The following PPME1 variants were observed in gnomAD, a reference collection of about 807,000 sequenced individuals.
PPME1 encodes protein phosphatase methylesterase 1.
In PPME1, 17 loss-of-function variants were observed where a neutral mutation model predicts 56.9. That is an observed-to-expected ratio of 0.30 (90% CI 0.20 to 0.45). The LOEUF (loss-of-function observed/expected upper bound fraction) is 0.45, where lower values mean the gene tolerates loss of function less well. Among genes scored for constraint, PPME1 ranks in the 20% least tolerant of loss-of-function variants. The pLI is 1.00. For missense variants in PPME1, 357 were observed against 483.2 expected, an observed-to-expected ratio of 0.74 and a Z score of 2.45; for synonymous variants, 122 against 156.2, an observed-to-expected ratio of 0.78 and a Z score of 1.63.
At chr11:74,171,590 G>T (rs1388777711) in intron 1 of PPME1, 68 bp downstream of exon 1, 12 of 1,500,592 alleles carry the variant, frequency 8.0e-6, no homozygotes, top group Non-Finnish European at 9.8e-6. Flanking sequence ...ATCTCTGGGC[G>T]TTCATAGAGG....
At chr11:74,173,994 T>G (rs947208864) in intron 1 of PPME1, among the ~76,000 whole-genome samples, 3 of 152,212 alleles carry the variant, frequency 2.0e-5, no homozygotes, top group African/African-American at 7.2e-5. Flanking sequence ...CTCAAATGGC[T>G]TATTTTCCCG....
chr11:74,211,874 C>T (rs1160737708), intron 3 of PPME1, among the ~76,000 whole-genome samples: 1 of 152,076 alleles, frequency 6.6e-6, no homozygotes, highest in Non-Finnish European at 1.5e-5. Flanking sequence ...ATGGGACTAC[C>T]TTACTATTAA....
At chr11:74,231,369 T>C (rs1331418845) in intron 7 of PPME1, among the ~76,000 whole-genome samples, 1 of 152,218 alleles carries the variant, frequency 6.6e-6, no homozygotes, top group Admixed American at 6.5e-5. Context: ...TCCCAAAGTG[T>C]TGGGGTTGTG....
At chr11:74,206,244 C>T (rs969389868) in intron 3 of PPME1, among the ~76,000 whole-genome samples, 1 of 152,126 alleles carries the variant, frequency 6.6e-6, no homozygotes, top group African/African-American at 2.4e-5. Context: ...TGGAATCTTG[C>T]TATGTTGCCC....
At chr11:74,228,356 A>G (rs561152395) in intron 5 of PPME1, among the ~76,000 whole-genome samples, 5 of 152,162 alleles carry the variant, frequency 3.3e-5, no homozygotes, top group African/African-American at 1.2e-4. Flanking sequence ...TGTTCCTGAT[A>G]TTTTCCAGTG....
intron 7 of PPME1, among the ~76,000 whole-genome samples, chr11:74,234,530 A>G (rs999441789): frequency 6.6e-6 from 1 of 152,194 alleles, no homozygotes; most frequent in Non-Finnish European, 1.5e-5. Flanking sequence ...GTGTTTGTAG[A>G]AGGAGGGAGA....
chr11:74,235,167 C>T (rs1190264380), intron 7 of PPME1, among the ~76,000 whole-genome samples: 1 of 152,086 alleles, frequency 6.6e-6, no homozygotes, highest in Non-Finnish European at 1.5e-5. Flanking sequence ...GTGCTTTCTC[C>T]TAGTGGCTTG....
chr11:74,171,476 C>T lies in PPME1; in HGVS notation c.55C>T (p.Leu19=), dbSNP rs913487268. Residue 19 remains leucine, a synonymous_variant, in exon 1 of 14, where the codon CTA becomes TTA. Coordinates refer to ENST00000328257, the MANE Select transcript of PPME1 (RefSeq NM_016147.3). ...CGGCCGCCTTCCCTCTCGCCCACCT[C>T]TACCCGGCAGCGGGGGCAGTCAGAG... ...HLGRLPSRPP[L]PGSGGSQSGA... 95 of 1,613,378 alleles carry T rather than the reference C, an allele frequency of 5.9e-5. No homozygotes were observed. The highest frequency in any genetic ancestry group is 1.6e-4 in the Middle Eastern group (1 of 6,082).
chr11:74,173,345 A>G (rs1045724858), intron 1 of PPME1, among the ~76,000 whole-genome samples: 3 of 152,186 alleles, frequency 2.0e-5, no homozygotes, highest in Admixed American at 6.5e-5. Context: ...ATACAAATAC[A>G]TAAGAAAATC....
At chr11:74,251,947 C>T in intron 13 of PPME1, 1 of 712,590 alleles carries the variant, frequency 1.4e-6, no homozygotes, top group Non-Finnish European at 2.6e-6. Context: ...TAAATTGTGC[C>T]TAGTCTCACT....
At chr11:74,171,618 C>A in intron 1 of PPME1, 96 bp downstream of exon 1, 1 of 1,407,096 alleles carries the variant, frequency 7.1e-7, no homozygotes, top group Non-Finnish European at 9.4e-7. Context: ...AAGGAGTCTA[C>A]TGATAGGAGA....
At chr11:74,194,725 A>G (rs938735884) in intron 1 of PPME1, among the ~76,000 whole-genome samples, 6 of 152,164 alleles carry the variant, frequency 3.9e-5, no homozygotes, top group Admixed American at 1.3e-4. Context: ...TAAGATGTCT[A>G]TACTCAGGCA....
chr11:74,223,724 G>T, intron 4 of PPME1, among the ~76,000 whole-genome samples: 2 of 115,688 alleles, frequency 1.7e-5, no homozygotes, highest in African/African-American at 7.3e-5. Flanking sequence ...TGTGTTTTTT[G>T]GCTGCATAAA....
At chr11:74,181,573 G>A (rs1857539165) in intron 1 of PPME1, among the ~76,000 whole-genome samples, 1 of 152,190 alleles carries the variant, frequency 6.6e-6, no homozygotes, top group South Asian at 2.1e-4. Flanking sequence ...TAGAACTCCT[G>A]TAGTGCAAGG....
intron 1 of PPME1, among the ~76,000 whole-genome samples, chr11:74,196,657 G>GGTC (rs397733508): frequency 6.6e-6 from 1 of 151,536 alleles, no homozygotes; most frequent in Non-Finnish European, 1.5e-5. Flanking sequence ...AAAGTAAAGT[G>GGTC]AAAGAACAGC....
chr11:74,247,272 C>T, intron 11 of PPME1, 149 bp downstream of exon 11: 1 of 592,632 alleles, frequency 1.7e-6, no homozygotes, highest in Non-Finnish European at 2.9e-6. Context: ...TCCTAACACA[C>T]TATATGATTA....
intron 1 of PPME1, among the ~76,000 whole-genome samples, chr11:74,172,785 T>C (rs1199960836): frequency 5.3e-5 from 8 of 152,182 alleles, no homozygotes; most frequent in Non-Finnish European, 1.2e-4. Context: ...GTATGAGGGC[T>C]CCAGAGTATA....
chr11:74,194,176 A>T (rs1857918136), intron 1 of PPME1, among the ~76,000 whole-genome samples: 1 of 151,978 alleles, frequency 6.6e-6, no homozygotes, highest in Non-Finnish European at 1.5e-5. Context: ...GTTTTAAGAC[A>T]GGCCTTTTTT....
chr11:74,238,119 TC>T (rs1286627464), intron 8 of PPME1: 1 of 152,058 alleles, frequency 6.6e-6, no homozygotes, highest in Non-Finnish European at 1.5e-5. Context: ...GCCTTGAACC[TC>T]CTAATCCACA....
Sources: gnomAD v4.1 joint callset for allele counts (sites outside exome capture counted in the v4.1 genomes callset) on GRCh38, gnomAD v4.1.1 for gene constraint, MANE v1.5 for transcripts, NCBI Gene and HGNC (gene_info 2026-07-23, HGNC 2026-07-21) for gene names.